CSMD1: variants seen among roughly 807,000 people sequenced by gnomAD.
The protein encoded by CSMD1 is CUB and sushi domain-containing protein 1.
CSMD1 carries 213 observed loss-of-function variants against 417.5 expected under a neutral mutation model. The ratio of observed to expected loss-of-function variants is 0.51; its 90% confidence interval spans 0.46 to 0.57. The LOEUF (loss-of-function observed/expected upper bound fraction) is 0.57. CSMD1 is among the 20% of genes least tolerant of loss of function. The probability of loss-of-function intolerance (pLI) is 0.00; values close to 1 mark genes in which losing one functional copy is unlikely to be tolerated. For synonymous variants in CSMD1, 2,862 were observed against 1,736.8 expected (o/e 1.65, Z -16.11); for missense variants, 6,923 against 4,529.7 (o/e 1.53, Z -15.17).
intron 5 of CSMD1, among the ~76,000 whole-genome samples, chr8:3,755,739 C>T (rs1797619954): frequency 1.3e-5 from 2 of 152,086 alleles, no homozygotes; most frequent in Admixed American, 6.5e-5. Flanking sequence ...GTACAGGATC[C>T]ACTTTAAGTT....
chr8:2,993,767 C>G (rs549448217), intron 54 of CSMD1, among the ~76,000 whole-genome samples: 2 of 152,094 alleles, frequency 1.3e-5, no homozygotes, highest in South Asian at 4.1e-4. Flanking sequence ...ACAATGAAGA[C>G]AGCTCCCGTC....
intron 10 of CSMD1, among the ~76,000 whole-genome samples, chr8:3,515,879 T>C (rs769457609): frequency 3.3e-5 from 5 of 152,230 alleles, no homozygotes; most frequent in Admixed American, 6.5e-5. Context: ...TAACTTCTCA[T>C]AGCATATCTT....
rs185737377 is a variant in CSMD1 at position 4,900,048 on chromosome 8, G to A, written c.85+94284C>T. ...CTCTTCCTCAAAATACGACGTTTTT[G>A]CATTTCCTCCTCCATCTCTGGTAGT... On this transcript the variant is annotated intron_variant, in intron 1 of 69. Coordinates refer to ENST00000635120, the MANE Select transcript of CSMD1 (RefSeq NM_033225.6). 2.4e-3 allele frequency among the ~76,000 whole-genome samples: 367 copies of A among 152,164 alleles called. 3 individuals are homozygous for A. The highest frequency in any genetic ancestry group is 8.3e-3 in the African/African-American group (345 of 41,490).
intron 3 of CSMD1, among the ~76,000 whole-genome samples, chr8:4,076,291 G>A (rs896643658): frequency 2.0e-5 from 3 of 152,166 alleles, no homozygotes; most frequent in African/African-American, 7.2e-5. Flanking sequence ...TTCTCCCTCT[G>A]CCATGATTTT....
intron 2 of CSMD1, among the ~76,000 whole-genome samples, chr8:4,520,918 A>G (rs1803411196): frequency 6.6e-6 from 1 of 152,196 alleles, no homozygotes; most frequent in African/African-American, 2.4e-5. Context: ...ACATGGGTTA[A>G]CATTATTAAA....
rs145176220 is a variant in CSMD1, at chr8:3,037,960, T to G, written c.7661-8447A>C. Among the ~76,000 whole-genome samples the G allele has an allele frequency of 6.5e-3, 993 of 152,308 alleles. 10 individuals are homozygous for G. Among genetic ancestry groups the G allele is most frequent in the Middle Eastern group, 0.014 (4 of 294 alleles). On this transcript the variant is annotated intron_variant, in intron 50 of 69. Coordinates refer to ENST00000635120, the MANE Select transcript of CSMD1 (RefSeq NM_033225.6). ...CCAGACTTTTCCTTATTCCTGCCAC[T>G]ACTGTTTTTTCCATTTGTGAAGCTT...
intron 31 of CSMD1, among the ~76,000 whole-genome samples, chr8:3,203,857 T>C (rs1797114456): frequency 6.6e-6 from 1 of 152,172 alleles, no homozygotes; most frequent in African/African-American, 2.4e-5. Flanking sequence ...TTTCAGCCTG[T>C]GTTGACAGAC....
chr8:3,488,083 A>AAAG (rs1444687771), intron 11 of CSMD1, among the ~76,000 whole-genome samples: 9 of 122,118 alleles, frequency 7.4e-5, no homozygotes, highest in African/African-American at 1.6e-4. Context: ...TTAGAAACTC[A>AAAG]TAGTATTATT....
intron 3 of CSMD1, among the ~76,000 whole-genome samples, chr8:4,143,216 G>A (rs908239777): frequency 1.3e-5 from 2 of 151,150 alleles, no homozygotes; most frequent in Non-Finnish European, 2.9e-5. Context: ...CCACAGAACG[G>A]TGTGGTCTAA....
chr8:4,293,076 C>A (rs1051234721), intron 3 of CSMD1, among the ~76,000 whole-genome samples: 3 of 152,136 alleles, frequency 2.0e-5, no homozygotes, highest in Non-Finnish European at 2.9e-5. Flanking sequence ...TGGAGTAGAA[C>A]CATGCACTGC....
chr8:4,991,965 G>T (rs907908042), intron 1 of CSMD1, among the ~76,000 whole-genome samples: 6 of 152,120 alleles, frequency 3.9e-5, no homozygotes, highest in Non-Finnish European at 5.9e-5. Flanking sequence ...AGCTACGTCC[G>T]AGCGTCCTGG....
intron 2 of CSMD1, among the ~76,000 whole-genome samples, chr8:4,471,726 A>G (rs973932968): frequency 1.5e-5 from 2 of 135,710 alleles, no homozygotes; most frequent in Non-Finnish European, 3.4e-5. Flanking sequence ...AAATGCAGCA[A>G]ACACGCGGAG....
intron 2 of CSMD1, among the ~76,000 whole-genome samples, chr8:4,618,003 T>G (rs1420976275): frequency 6.6e-6 from 1 of 152,198 alleles, no homozygotes; most frequent in African/African-American, 2.4e-5. Flanking sequence ...TGGATAAGAT[T>G]TCTCTTGGCC....
chr8:3,850,575 T>G (rs2954226), intron 5 of CSMD1, among the ~76,000 whole-genome samples: 32,739 of 152,006 alleles, frequency 0.22, 3,957 homozygotes, highest in East Asian at 0.42. Context: ...CTCACCTGTT[T>G]TCCCAGCTAC....
At chr8:4,475,082 AT>A (rs2130082366) in intron 2 of CSMD1, among the ~76,000 whole-genome samples, 1 of 152,194 alleles carries the variant, frequency 6.6e-6, no homozygotes, top group Admixed American at 6.5e-5. Flanking sequence ...AACTGTATTT[AT>A]TTTTAAGCAT....
chr8:4,870,044 T>A lies in CSMD1; in HGVS notation c.85+124288A>T, dbSNP rs143039383. ...CAACCGTAAAGTATGTATTCCTGTG[T>A]ACCAGAACCGCAGACTTCAAGACTT... On this transcript the variant is annotated intron_variant, in intron 1 of 69. Transcript: ENST00000635120. Among the ~76,000 whole-genome samples the A allele has an allele frequency of 7.8e-3, 1,192 of 152,250 alleles. 22 individuals are homozygous for A. Among genetic ancestry groups the A allele is most frequent in the African/African-American group, 0.027 (1,126 of 41,536 alleles).
At chr8:3,184,526 G>A (rs80211417) in intron 36 of CSMD1, among the ~76,000 whole-genome samples, 1 of 152,288 alleles carries the variant, frequency 6.6e-6, no homozygotes, top group African/African-American at 2.4e-5. Context: ...TAATGAAATA[G>A]CCATCAACTG....
chr8:3,724,545 C>G (rs1413734713), intron 6 of CSMD1, among the ~76,000 whole-genome samples: 1 of 151,974 alleles, frequency 6.6e-6, no homozygotes, highest in African/African-American at 2.4e-5. Context: ...GGTCCTAAGG[C>G]TGAATGATCT....
At chr8:4,288,444 C>T (rs1797181327) in intron 3 of CSMD1, among the ~76,000 whole-genome samples, 1 of 152,210 alleles carries the variant, frequency 6.6e-6, no homozygotes, top group Non-Finnish European at 1.5e-5. Context: ...CAATTCAATG[C>T]TGTAGCCATT....
Sources: gnomAD v4.1 joint callset for allele counts (sites outside exome capture counted in the v4.1 genomes callset) on GRCh38, gnomAD v4.1.1 for gene constraint, MANE v1.5 for transcripts, NCBI Gene and HGNC (gene_info 2026-07-23, HGNC 2026-07-21) for gene names.